Variants in COL25A1 observed in about 807,000 individuals in gnomAD.
The protein encoded by COL25A1 is collagen alpha-1(XXV) chain.
In COL25A1, 103 loss-of-function variants were observed where a neutral mutation model predicts 128.4. That is an observed-to-expected ratio of 0.80 (90% CI 0.68 to 0.94). The LOEUF (loss-of-function observed/expected upper bound fraction) is 0.94. COL25A1 is among the 40% of genes least tolerant of loss of function. The pLI is 0.00. For synonymous variants in COL25A1, 279 were observed against 277.2 expected (o/e 1.01, Z -0.06); for missense variants, 745 against 840.0 (o/e 0.89, Z 1.40).
chr4:109,233,815 T>C (rs953072735), intron 3 of COL25A1, among the ~76,000 whole-genome samples: 8 of 152,138 alleles, frequency 5.3e-5, no homozygotes, highest in African/African-American at 1.9e-4. Flanking sequence ...AAGTACATAA[T>C]GTACCATACT....
intron 3 of COL25A1, among the ~76,000 whole-genome samples, chr4:109,078,481 G>A (rs936131046): frequency 6.6e-6 from 1 of 151,998 alleles, no homozygotes; most frequent in Non-Finnish European, 1.5e-5. Flanking sequence ...TGTCATGCAG[G>A]CTTTTCTCAA....
intron 3 of COL25A1, among the ~76,000 whole-genome samples, chr4:109,102,472 T>C (rs770140465): frequency 6.6e-6 from 1 of 152,152 alleles, no homozygotes. Context: ...GACTCTTCTG[T>C]TGTTAGGTGG....
chr4:108,888,508 G>A lies in COL25A1; in HGVS notation c.975+713C>T, dbSNP rs370014990. Among the ~76,000 whole-genome samples, 22 of 152,254 alleles carry A rather than the reference G, an allele frequency of 1.4e-4. No individual in the cohort carries two copies. The East Asian group carries it at 2.7e-3, about 19-fold the overall frequency. ...GGCATTGATATCCAAATGCTCAGAC[G>A]ATAAACTGCTAGCATGTGTTTCCTG... is the stretch of plus-strand genomic sequence containing the variant. On this transcript the variant is annotated intron_variant, in intron 18 of 37. Coordinates refer to ENST00000399132, the MANE Select transcript of COL25A1 (RefSeq NM_198721.4).
intron 31 of COL25A1, 105 bp downstream of exon 31, chr4:108,841,590 C>T (rs892667804): frequency 5.5e-6 from 5 of 912,828 alleles, no homozygotes; most frequent in African/African-American, 5.0e-5. Flanking sequence ...AGATTATCAA[C>T]ATTACTTGAC....
intron 8 of COL25A1, among the ~76,000 whole-genome samples, chr4:108,974,135 T>A (rs927582978): frequency 6.6e-6 from 1 of 152,232 alleles, no homozygotes; most frequent in African/African-American, 2.4e-5. Context: ...CCTTACTCAA[T>A]ATGTCTAATT....
chr4:109,057,290 CAG>C (rs776618382), intron 3 of COL25A1, among the ~76,000 whole-genome samples: 1 of 151,994 alleles, frequency 6.6e-6, no homozygotes, highest in Non-Finnish European at 1.5e-5. Context: ...CTTATTGGGA[CAG>C]AGTCTTACTC....
intron 3 of COL25A1, among the ~76,000 whole-genome samples, chr4:109,159,396 T>C (rs1772345023): frequency 6.6e-6 from 1 of 152,086 alleles, no homozygotes; most frequent in Non-Finnish European, 1.5e-5. Flanking sequence ...GTAACGTATA[T>C]GGGCAATTGT....
At chr4:108,880,939 T>C (rs1232121048) in intron 19 of COL25A1, among the ~76,000 whole-genome samples, 2 of 152,228 alleles carry the variant, frequency 1.3e-5, no homozygotes, top group African/African-American at 2.4e-5. Context: ...CCATTAAAAA[T>C]ATGTGAAAGC....
At chr4:109,211,290 CTATATATATATATATATATATATATA>C (rs753994624) in intron 3 of COL25A1, among the ~76,000 whole-genome samples, 1 of 102,546 alleles carries the variant, frequency 9.8e-6, no homozygotes, top group Non-Finnish European at 2.4e-5. Flanking sequence ...ATATATGAAA[CTATATATATATATATATATATATATA>C]TATATATATA....
intron 5 of COL25A1, among the ~76,000 whole-genome samples, chr4:109,012,667 C>T (rs116661876): frequency 0.02 from 3,096 of 152,270 alleles, 84 homozygotes; most frequent in African/African-American, 0.07. Context: ...ACTGCTGGCC[C>T]GCCCGCACCA....
At chr4:108,939,030 T>C (rs1394584090) in intron 10 of COL25A1, among the ~76,000 whole-genome samples, 1 of 152,250 alleles carries the variant, frequency 6.6e-6, no homozygotes, top group African/African-American at 2.4e-5. Context: ...AAGAATGATA[T>C]AATTTTGGAT....
At chr4:108,830,179 T>C (rs574314480) in intron 32 of COL25A1, among the ~76,000 whole-genome samples, 29 of 152,358 alleles carry the variant, frequency 1.9e-4, no homozygotes, top group African/African-American at 7.0e-4. Context: ...CTCCTTTTCC[T>C]GGATTAAGCA....
intron 3 of COL25A1, among the ~76,000 whole-genome samples, chr4:109,167,230 T>C (rs1340489304): frequency 6.6e-6 from 1 of 152,124 alleles, no homozygotes; most frequent in African/African-American, 2.4e-5. Context: ...ATAAAACTCA[T>C]CTTTCTCTCT....
intron 16 of COL25A1, among the ~76,000 whole-genome samples, chr4:108,890,748 G>A (rs912299917): frequency 2.0e-5 from 3 of 152,112 alleles, no homozygotes; most frequent in African/African-American, 7.2e-5. Flanking sequence ...AGCTCCGGGG[G>A]CCCATTTCCT....
rs1737493275 is a variant in COL25A1 at position 108,863,350 on chromosome 4, T to G, written c.1121A>C (p.Glu374Ala). 29 of 1,613,866 alleles carry G rather than the reference T, an allele frequency of 1.8e-5. No individual in the cohort carries two copies. The highest frequency in any genetic ancestry group is 1.7e-4 in the Middle Eastern group (1 of 6,050). The change falls in exon 21 of 38, where the codon GAG becomes GCG. Residue 374 changes from glutamate to alanine, a missense_variant. By Grantham distance (107) the Glu-to-Ala change is moderately radical. Coordinates refer to ENST00000399132, the MANE Select transcript of COL25A1 (RefSeq NM_198721.4). The stretch of plus-strand genomic sequence containing the variant: ...TCCGGGGGCTCCAGGTTCCCCTCGC[T>G]CACCTCTTCCAGGAGGCCCTGCTTC... ...RGEAGPPGRG[E>A]RGEPGAPGPK...
chr4:108,886,878 C>A (rs373190344), intron 18 of COL25A1, among the ~76,000 whole-genome samples: 1 of 152,076 alleles, frequency 6.6e-6, no homozygotes, highest in African/African-American at 2.4e-5. Context: ...CACCTCATGT[C>A]CCTGCTAGAG....
chr4:108,927,783 G>A (rs1406308485), intron 11 of COL25A1, among the ~76,000 whole-genome samples: 7 of 152,110 alleles, frequency 4.6e-5, no homozygotes, highest in African/African-American at 1.7e-4. Flanking sequence ...ATGAGGCTAT[G>A]ACCTCTTTAA....
At chr4:108,914,652 C>CTTTTTTT (rs386401119) in intron 13 of COL25A1, among the ~76,000 whole-genome samples, 4 of 98,570 alleles carry the variant, frequency 4.1e-5, no homozygotes, top group East Asian at 3.2e-4. Context: ...TTTGCTGAAA[C>CTTTTTTT]TTTTTTTTTT....
chr4:108,975,025 C>A (rs567366830), intron 6 of COL25A1, among the ~76,000 whole-genome samples: 1 of 152,144 alleles, frequency 6.6e-6, no homozygotes, highest in African/African-American at 2.4e-5. Flanking sequence ...GAAATTCATC[C>A]ATAATTTTGT....
Sources: gnomAD v4.1 joint callset for allele counts (sites outside exome capture counted in the v4.1 genomes callset) on GRCh38, gnomAD v4.1.1 for gene constraint, MANE v1.5 for transcripts, NCBI Gene and HGNC (gene_info 2026-07-23, HGNC 2026-07-21) for gene names.